EBI3: variants seen among roughly 807,000 people sequenced by gnomAD.
The protein encoded by EBI3 is interleukin-27 subunit beta.
In EBI3, 19 loss-of-function variants were observed where a neutral mutation model predicts 21.3. The observed-to-expected ratio is 0.89, with a 90% CI of 0.62 to 1.31. EBI3 has a LOEUF of 1.31. Ranked by LOEUF, EBI3 falls within the 50% of genes most tolerant of loss-of-function variation. EBI3 has a pLI of 0.00. For synonymous variants in EBI3, 154 were observed against 131.2 expected (o/e 1.17, Z -1.19); for missense variants, 331 against 314.0 (o/e 1.05, Z -0.41).
In EBI3 at chr19:4,234,722, A is replaced by G; in HGVS notation, c.435A>G (p.Leu145=). ...TAAGCCCCCTCGCTGAGCGCCAGCT[A>G]CAGGTGCAGTGGGAGCCTCCCGGGT... ...VRLSPLAERQ[L]QVQWEPPGSW... is the part of the protein sequence containing the mutation. The change falls in exon 4 of 5, where the codon CTA becomes CTG. Residue 145 remains leucine (L), a synonymous_variant. Transcript: ENST00000221847. 6.2e-7 allele frequency: 1 copy of G among 1,614,162 alleles called. No individual in the cohort carries two copies. Among genetic ancestry groups the G allele is most frequent in the Non-Finnish European group, 8.5e-7 (1 of 1,180,018 alleles).
chr19:4,233,824 T>C (rs567358741), intron 3 of EBI3, among the ~76,000 whole-genome samples: 1 of 152,140 alleles, frequency 6.6e-6, no homozygotes, highest in African/African-American at 2.4e-5. Flanking sequence ...CCCCCAAATG[T>C]CCCCATGACT....
intron 4 of EBI3, among the ~76,000 whole-genome samples, chr19:4,236,476 G>GC (rs917670982): frequency 8.5e-6 from 1 of 117,836 alleles, no homozygotes; most frequent in Non-Finnish European, 1.6e-5. Context: ...AGCCAAGATT[G>GC]CCCCACTGCA....
Position 4,236,944 on chromosome 19 carries a change from C to T in EBI3, c.546C>T (p.Pro182=). ...GCTCTCTCTTCTCTCAGGTGGGGCC[C>T]ATTGAAGCCACGTCCTTCATCCTCA... ...QGAARFHRVG[P]IEATSFILRA... The change falls in exon 5 of 5, where the codon CCC becomes CCT. Residue 182 remains proline, a synonymous_variant. Transcript: ENST00000221847. 2 of 1,503,734 alleles carry T rather than the reference C, an allele frequency of 1.3e-6. No individual in the cohort carries two copies. Among genetic ancestry groups the T allele is most frequent in the South Asian group, 1.3e-5 (1 of 75,962 alleles). 93.1% of individuals were successfully genotyped at this position (1,503,734 alleles called of 1,614,324 possible). A position where few individuals can be genotyped will look rare whatever the true frequency, so the allele number is the denominator to read the frequency against.
At position 4,231,223 on chromosome 19, in the gene EBI3, C is replaced by T; in HGVS notation, c.100C>T (p.Gln34Ter). 1 of 1,608,410 alleles carries T rather than the reference C, an allele frequency of 6.2e-7. No homozygotes were observed. Residue 34 changes from glutamine (Q) to a stop codon, truncating the protein, a stop_gained, in exon 2 of 5, where the codon CAA becomes TAA. Transcript: ENST00000221847. LOFTEE classifies it high-confidence loss of function. ...AGCAGCTCTGACACTGCCCCGGGTG[C>T]AATGCCGAGCCTCTCGGTACCCGAT... is the stretch of plus-strand genomic sequence containing the variant. ...PPAALTLPRV[Q>*]CRASRYPIAV... is the part of the protein sequence containing the mutation.
At position 4,237,205 on chromosome 19, in the gene EBI3, G is replaced by C. The variant is rs555394318; in HGVS notation, c.*117G>C. The C allele has an allele frequency of 1.6e-5, 21 of 1,283,624 alleles. 1 individual carries two copies. In the South Asian group the frequency reaches 3.8e-4, roughly 23 times the overall value. 79.5% of individuals were successfully genotyped at this position (1,283,624 alleles called of 1,614,324 possible). A position where few individuals can be genotyped will look rare whatever the true frequency, so the allele number is the denominator to read the frequency against. ...CCTGGGCTGGAGTCCTTGCTTTGCT[G>C]CTGCTGAGCTGCCGGGCAACCTCAG... On this transcript the variant is annotated 3_prime_UTR_variant, in exon 5 of 5. Coordinates refer to ENST00000221847, the MANE Select transcript of EBI3 (RefSeq NM_005755.3).
chr19:4,231,696 A>T (rs1368593453), intron 2 of EBI3, among the ~76,000 whole-genome samples: 1 of 147,720 alleles, frequency 6.8e-6, no homozygotes, highest in East Asian at 2.1e-4. Flanking sequence ...GCTTGAACCC[A>T]GGAGGCGGAG....
intron 1 of EBI3, among the ~76,000 whole-genome samples, chr19:4,230,494 C>T (rs1285603062): frequency 6.6e-6 from 1 of 151,950 alleles, no homozygotes; most frequent in African/African-American, 2.4e-5. Flanking sequence ...ATAATTTGAG[C>T]CCAGGAATTG....
rs1970851645 is a variant in EBI3, at chr19:4,237,502, A to G, written c.*414A>G. ...GGCCACACAGCAAGACCCCATCTCT[A>G]AAAAATTAATATAAATATAAAATAA... On this transcript the variant is annotated 3_prime_UTR_variant, in exon 5 of 5. Transcript: ENST00000221847. 6.5e-6 allele frequency: 1 copy of G among 152,940 alleles called. No individual in the cohort carries two copies. The highest frequency in any genetic ancestry group is 2.1e-4 in the South Asian group (1 of 4,834). 9.5% of individuals were successfully genotyped at this position (152,940 alleles called of 1,614,324 possible).
intron 3 of EBI3, 22 bp downstream of exon 3, chr19:4,233,329 G>A: frequency 6.5e-7 from 1 of 1,549,334 alleles, no homozygotes; most frequent in Non-Finnish European, 8.7e-7. Flanking sequence ...CGGCAGTGGG[G>A]GCGGGGGCGG....
At chr19:4,232,420 T>C (rs1970793591) in intron 2 of EBI3, among the ~76,000 whole-genome samples, 1 of 147,346 alleles carries the variant, frequency 6.8e-6, no homozygotes, top group East Asian at 2.0e-4. Context: ...TGTCTGTACT[T>C]AAAATCAAAA....
intron 4 of EBI3, 108 bp from the exon 5 acceptor site, chr19:4,236,828 G>C (rs1334964038): frequency 1.1e-5 from 14 of 1,291,808 alleles, no homozygotes; most frequent in Non-Finnish European, 1.3e-5. Context: ...TCCTGGACTG[G>C]AGCCTGCAGG....
At chr19:4,230,776 C>T (rs1354755034) in intron 1 of EBI3, among the ~76,000 whole-genome samples, 1 of 151,612 alleles carries the variant, frequency 6.6e-6, no homozygotes, top group Non-Finnish European at 1.5e-5. Context: ...CCCAGCTACT[C>T]GGGAGGCTAA....
In EBI3 at chr19:4,236,917, A is replaced by G. The variant is rs1970843460; in HGVS notation, c.538-19A>G. Reference sequence around the variant, plus strand: ...TCCATCTTCTGGTTCTAGTGACCTGACGCTCTCTCTTCTCTCAGGTGGGGC... The same window carrying G: ...TCCATCTTCTGGTTCTAGTGACCTGGCGCTCTCTCTTCTCTCAGGTGGGGC... On this transcript the variant is annotated intron_variant, in intron 4 of 4. Coordinates refer to ENST00000221847, the MANE Select transcript of EBI3 (RefSeq NM_005755.3). 4 of 1,482,336 alleles carry G rather than the reference A, an allele frequency of 2.7e-6. No homozygotes were observed. Among genetic ancestry groups the G allele is most frequent in the Non-Finnish European group, 2.7e-6 (3 of 1,110,688 alleles). The allele number at this position is 1,482,336 out of a possible 1,614,324, so 91.8% of individuals were successfully genotyped here. A position where few individuals can be genotyped will look rare whatever the true frequency, so the allele number is the denominator to read the frequency against.
chr19:4,237,322 A>C lies in EBI3; in HGVS notation c.*234A>C, dbSNP rs1970849675. The C allele has an allele frequency of 5.5e-6, 2 of 365,770 alleles. No individual in the cohort carries two copies. Among genetic ancestry groups the C allele is most frequent in the Non-Finnish European group, 9.6e-6 (2 of 207,714 alleles). 22.7% of individuals were successfully genotyped at this position (365,770 alleles called of 1,614,324 possible). The stretch of plus-strand genomic sequence containing the variant: ...TTTACCTTTACCTTTACCACAGTGC[A>C]GGGCTGACTGAACTGTCACTGTGAG... On this transcript the variant is annotated 3_prime_UTR_variant, in exon 5 of 5. Transcript: ENST00000221847.
At chr19:4,235,450 G>A (rs1485207926) in intron 4 of EBI3, among the ~76,000 whole-genome samples, 1 of 152,016 alleles carries the variant, frequency 6.6e-6, no homozygotes, top group Non-Finnish European at 1.5e-5. Flanking sequence ...CTCCTGAATA[G>A]CTGGGACTAC....
chr19:4,234,925 G>A (rs939198946), intron 4 of EBI3, 101 bp downstream of exon 4: 6 of 1,504,806 alleles, frequency 4.0e-6, no homozygotes, highest in African/African-American at 1.4e-5. Flanking sequence ...CATAGCTTGC[G>A]ATTCCGGGTG....
At chr19:4,234,114 G>A (rs927733516) in intron 3 of EBI3, among the ~76,000 whole-genome samples, 10 of 152,188 alleles carry the variant, frequency 6.6e-5, no homozygotes, top group Admixed American at 5.2e-4. Flanking sequence ...GCTGAGGCAC[G>A]AGAATCACTT....
rs546555746 is a variant in EBI3 at position 4,234,795 on chromosome 19, A to G, written c.508A>G (p.Lys170Glu). ...IFSLKYWIRYKRQGAARFHRV... is the reference protein window; with the variant it reads ...IFSLKYWIRYERQGAARFHRV... ...CTCACTGAAGTACTGGATCCGTTAC[A>G]AGCGTCAGGGAGCTGCGCGCTTCCA... is the stretch of plus-strand genomic sequence containing the variant. The change falls in exon 4 of 5, where the codon AAG (lysine) becomes GAG (glutamate). Residue 170 changes from lysine to glutamate, a missense_variant. By Grantham distance (56) the Lys-to-Glu change is moderately conservative. Transcript: ENST00000221847. 1 of 1,614,002 alleles carries G rather than the reference A, an allele frequency of 6.2e-7. No individual in the cohort carries two copies. Among genetic ancestry groups the G allele is most frequent in the Non-Finnish European group, 8.5e-7 (1 of 1,179,982 alleles).
chr19:4,237,054 TC>T lies in EBI3; in HGVS notation c.660del (p.Ala221ProfsTer5). The T allele has an allele frequency of 6.5e-7, 1 of 1,532,952 alleles. No homozygotes were observed. Among genetic ancestry groups the T allele is most frequent in the Non-Finnish European group, 8.8e-7 (1 of 1,139,072 alleles). The allele number at this position is 1,532,952 out of a possible 1,614,324, so 95.0% of individuals were successfully genotyped here. On this transcript the variant is annotated frameshift_variant, in exon 5 of 5. Coordinates refer to ENST00000221847, the MANE Select transcript of EBI3 (RefSeq NM_005755.3). LOFTEE classifies it low-confidence loss of function (END_TRUNC). ...TDYGELSDWS[L>X]PATATMSLGK ...TACGGGGAACTGAGTGACTGGAGTC[TC>T]CCCGCCACTGCCACAATGAGCCTGG...
Sources: allele counts gnomAD v4.1 joint callset (sites outside exome capture counted in the v4.1 genomes callset), GRCh38; gene constraint gnomAD v4.1.1; transcripts MANE v1.5; gene names NCBI Gene and HGNC (gene_info 2026-07-23, HGNC 2026-07-21).